PHACTR3: variants seen among roughly 807,000 people sequenced by gnomAD.
PHACTR3 encodes phosphatase and actin regulator 3.
In PHACTR3, 16 loss-of-function variants were observed where a neutral mutation model predicts 66.8. That is an observed-to-expected ratio of 0.24 (90% CI 0.16 to 0.36). PHACTR3 has a LOEUF of 0.36. Ranked by LOEUF, PHACTR3 falls within the 10% of genes least tolerant of loss-of-function variation. The pLI is 1.00. For missense variants in PHACTR3, 647 were observed against 719.9 expected (o/e 0.90, Z 1.16); for synonymous variants, 323 against 292.1 (o/e 1.11, Z -1.08).
At chr20:59,662,593 G>A (rs1036204171) in intron 1 of PHACTR3, among the ~76,000 whole-genome samples, 1 of 152,268 alleles carries the variant, frequency 6.6e-6, no homozygotes, top group Non-Finnish European at 1.5e-5. Flanking sequence ...GAAGAAAGTG[G>A]GATTTTATCC....
chr20:59,793,695 A>G (rs976582110), intron 7 of PHACTR3, among the ~76,000 whole-genome samples: 3 of 151,166 alleles, frequency 2.0e-5, no homozygotes, highest in Non-Finnish European at 2.9e-5. Flanking sequence ...AGGGTTTTCT[A>G]TATAGAAGTT....
upstream of PHACTR3, among the ~76,000 whole-genome samples, chr20:59,600,373 G>T (rs2033441422): frequency 6.6e-6 from 1 of 152,196 alleles, no homozygotes; most frequent in South Asian, 2.1e-4. Context: ...ATTCATGGTG[G>T]TATTCCTGGC....
At chr20:59,729,461 A>G (rs1452041355) in intron 1 of PHACTR3, among the ~76,000 whole-genome samples, 1 of 152,144 alleles carries the variant, frequency 6.6e-6, no homozygotes, top group Non-Finnish European at 1.5e-5. Context: ...CAGATCACTC[A>G]CTGGAGACCA....
intron 8 of PHACTR3, among the ~76,000 whole-genome samples, chr20:59,827,565 A>C (rs2042229439): frequency 6.6e-6 from 1 of 152,134 alleles, no homozygotes; most frequent in Admixed American, 6.5e-5. Context: ...CAGTCTCACC[A>C]GGTGAGACCA....
intron 1 of PHACTR3, among the ~76,000 whole-genome samples, chr20:59,704,558 T>C (rs908076217): frequency 1.5e-5 from 2 of 134,034 alleles, no homozygotes; most frequent in African/African-American, 5.5e-5. Context: ...CTCCTGAGAA[T>C]AGTCTTTTTT....
At chr20:59,614,469 G>A (rs190895290) in intron 1 of PHACTR3, among the ~76,000 whole-genome samples, 132 of 152,286 alleles carry the variant, frequency 8.7e-4, no homozygotes, top group Non-Finnish European at 1.2e-3. Context: ...AAAGCAAGTC[G>A]GTTGGATGGG....
chr20:59,715,717 A>G (rs982491956), intron 1 of PHACTR3, among the ~76,000 whole-genome samples: 6 of 152,122 alleles, frequency 3.9e-5, no homozygotes, highest in Non-Finnish European at 7.4e-5. Flanking sequence ...GCTTGGAGGA[A>G]TTTACTGTGG....
chr20:59,845,367 G>C, intron 12 of PHACTR3, 102 bp downstream of exon 12: 1 of 736,702 alleles, frequency 1.4e-6, no homozygotes, highest in Non-Finnish European at 2.3e-6. Flanking sequence ...TACAAATTCA[G>C]CATTTTTCCA....
At chr20:59,582,823 G>C (rs537827917) in intron 1 of PHACTR3, among the ~76,000 whole-genome samples, 46 of 152,144 alleles carry the variant, frequency 3.0e-4, no homozygotes, top group African/African-American at 1.1e-3. Context: ...CCGATCCTCC[G>C]CTGGCTGCAA....
intron 3 of PHACTR3, among the ~76,000 whole-genome samples, chr20:59,750,367 C>T (rs575001982): frequency 1.3e-5 from 2 of 151,966 alleles, no homozygotes; most frequent in Non-Finnish European, 2.9e-5. Flanking sequence ...ATGCGCTGGG[C>T]GTGGGACCCA....
intron 8 of PHACTR3, among the ~76,000 whole-genome samples, chr20:59,810,034 T>C (rs1393918200): frequency 6.6e-6 from 1 of 152,358 alleles, no homozygotes; most frequent in East Asian, 1.9e-4. Context: ...GTTTTCTATT[T>C]GATAGTCAAA....
rs377279078 is a variant in PHACTR3 at position 59,635,196 on chromosome 20, C to T, written c.118+30064C>T. Among the ~76,000 whole-genome samples, 117 of 38,286 alleles carry T rather than the reference C, an allele frequency of 3.1e-3. 13 individuals are homozygous for T. Among genetic ancestry groups the T allele is most frequent in the African/African-American group, 9.1e-3 (85 of 9,312 alleles). The allele number at this position is 38,286 out of a possible 152,430, so 25.1% of individuals were successfully genotyped here. On this transcript the variant is annotated intron_variant, in intron 1 of 12. Coordinates refer to ENST00000371015, the MANE Select transcript of PHACTR3 (RefSeq NM_080672.5). ...TTTCTTTCTTTCTTTCTTTCTTTCT[C>T]TTTCTTTCTTTCCTTCCTTCCTTCC...
chr20:59,587,538 G>T (rs761560289), intron 1 of PHACTR3, among the ~76,000 whole-genome samples: 1 of 152,224 alleles, frequency 6.6e-6, no homozygotes, highest in Non-Finnish European at 1.5e-5. Context: ...AAGCATCACC[G>T]ATTTATTGCC....
In PHACTR3 at chr20:59,829,252, G is replaced by GCCAGCAC. The variant is rs1208257009; in HGVS notation, c.1329-7251_1329-7245dup. Among the ~76,000 whole-genome samples the GCCAGCAC allele has an allele frequency of 6.6e-6, 1 of 152,208 alleles. No individual in the cohort carries two copies. Among genetic ancestry groups the GCCAGCAC allele is most frequent in the Non-Finnish European group, 1.5e-5 (1 of 68,028 alleles). Reference sequence around the variant, plus strand: ...CTTGCCCCAGGCATGTGGACCAGCAGCCAGCACCTCTCAGCTGAGCCCTCA... The same window carrying GCCAGCAC: ...CTTGCCCCAGGCATGTGGACCAGCAGCCAGCACCCAGCACCTCTCAGCTGAGCCCTCA... On this transcript the variant is annotated intron_variant, in intron 8 of 12. Coordinates refer to ENST00000371015, the MANE Select transcript of PHACTR3 (RefSeq NM_080672.5). The surrounding 1 kb of genome is among the most constrained non-coding windows in gnomAD (Gnocchi z 4.2).
chr20:59,736,614 C>A lies in PHACTR3; in HGVS notation c.119-6493C>A, dbSNP rs921812520. 6.6e-6 allele frequency among the ~76,000 whole-genome samples: 1 copy of A among 152,088 alleles called. No homozygotes were observed. The highest frequency in any genetic ancestry group is 1.5e-5 in the Non-Finnish European group (1 of 67,994). On this transcript the variant is annotated intron_variant, in intron 1 of 12. Coordinates refer to ENST00000371015, the MANE Select transcript of PHACTR3 (RefSeq NM_080672.5). The surrounding 1 kb of genome is among the most constrained non-coding windows in gnomAD (Gnocchi z 4.6). ...ACCCACCCACCCTCAGAGATACACA[C>A]CTACCCACTCTGTGCACACCTGCCC...
intron 1 of PHACTR3, among the ~76,000 whole-genome samples, chr20:59,585,021 AGGGGGAG>A (rs960407663): frequency 6.6e-5 from 10 of 152,126 alleles, no homozygotes; most frequent in African/African-American, 2.4e-4. Flanking sequence ...TATACATATT[AGGGGGAG>A]TACAGTTCAG....
At chr20:59,772,202 C>T (rs2040383592) in intron 5 of PHACTR3, among the ~76,000 whole-genome samples, 1 of 152,228 alleles carries the variant, frequency 6.6e-6, no homozygotes, top group South Asian at 2.1e-4. Flanking sequence ...CACCTGACAC[C>T]CTGCTGGCCC....
chr20:59,818,116 T>C (rs1483163167), intron 8 of PHACTR3, among the ~76,000 whole-genome samples: 1 of 152,168 alleles, frequency 6.6e-6, no homozygotes, highest in African/African-American at 2.4e-5. Flanking sequence ...CCCTCTCAGC[T>C]CCACCCTTGC....
At chr20:59,622,981 CAAAAAAAAA>C (rs71183177) in intron 1 of PHACTR3, among the ~76,000 whole-genome samples, 1 of 32,216 alleles carries the variant, frequency 3.1e-5, no homozygotes, top group South Asian at 1.9e-3. Context: ...CAGCTTTAAC[CAAAAAAAAA>C]AAAAAAAAAA....
Sources: gnomAD v4.1 joint callset for allele counts (sites outside exome capture counted in the v4.1 genomes callset) on GRCh38, gnomAD v4.1.1 for gene constraint, Gnocchi (gnomAD v3.1) non-coding constraint, MANE v1.5 for transcripts, NCBI Gene and HGNC (gene_info 2026-07-23, HGNC 2026-07-21) for gene names.